The following POC1B variants were observed in gnomAD, a reference collection of about 807,000 sequenced individuals.
POC1B encodes the protein POC1 centriolar protein B, also known as POC1 centriolar protein homolog B.
Under a neutral mutation model 60.6 loss-of-function variants are expected in POC1B, and 44 were observed. That is an observed-to-expected ratio of 0.73 (90% confidence interval 0.57 to 0.93). The LOEUF is 0.93. Among genes scored for constraint, POC1B ranks in the 40% least tolerant of loss-of-function variants. The pLI is 0.00. For synonymous variants in POC1B, 180 were observed against 198.9 expected (o/e 0.90, Z 0.80); for missense variants, 555 against 572.3 (o/e 0.97, Z 0.31).
Position 89,496,961 on chromosome 12 carries a change from T to C in POC1B, c.272+210A>G, listed in dbSNP as rs918082120. The stretch of plus-strand genomic sequence containing the variant: ...AAAAAACTTAGACATATTAAGCATA[T>C]TTCCATGGTAGGAAATAGTTTTCAA... On this transcript the variant is annotated intron_variant, in intron 3 of 11. Transcript: ENST00000313546. 8 of 550,200 alleles carry C rather than the reference T, an allele frequency of 1.5e-5. No individual in the cohort carries two copies. The African/African-American group carries it at 1.5e-4, about 10-fold the overall frequency. The allele number at this position is 550,200 out of a possible 1,614,324, so 34.1% of individuals were successfully genotyped here. A position where few individuals can be genotyped will look rare whatever the true frequency, so the allele number is the denominator to read the frequency against.
chr12:89,501,916 G>C, intron 2 of POC1B: 2 of 1,122,848 alleles, frequency 1.8e-6, no homozygotes, highest in South Asian at 2.5e-5. Flanking sequence ...AGGTATCATT[G>C]GTCATGATGA....
intron 2 of POC1B, chr12:89,522,667 C>A: frequency 9.4e-7 from 1 of 1,059,630 alleles, no homozygotes; most frequent in Non-Finnish European, 1.3e-6. Context: ...GTGTGATATA[C>A]CAAAATGAAC....
intron 2 of POC1B, among the ~76,000 whole-genome samples, chr12:89,498,063 C>A (rs1592628836): frequency 6.6e-6 from 1 of 152,088 alleles, no homozygotes; most frequent in East Asian, 1.9e-4. Flanking sequence ...ACACCCATAG[C>A]ACAGTTAGCA....
At chr12:89,418,005 T>C (rs926416045), downstream of POC1B, among the ~76,000 whole-genome samples, 1 of 152,188 alleles carries the variant, frequency 6.6e-6, no homozygotes, top group African/African-American at 2.4e-5. Context: ...TTCTCAGCTG[T>C]AAGATCCATC....
intron 2 of POC1B, among the ~76,000 whole-genome samples, chr12:89,499,711 A>G (rs1869449469): frequency 6.6e-6 from 1 of 152,240 alleles, no homozygotes; most frequent in Admixed American, 6.5e-5. Flanking sequence ...GGATACTCAT[A>G]AGGAAGAAAA....
intron 11 of POC1B, among the ~76,000 whole-genome samples, 163 bp downstream of exon 11, chr12:89,424,998 G>A (rs937466439): frequency 7.2e-5 from 11 of 152,148 alleles, no homozygotes; most frequent in African/African-American, 2.7e-4. Flanking sequence ...TAGGCTCTGA[G>A]CTTATCTCTA....
At chr12:89,524,952 A>G in intron 2 of POC1B, 168 bp downstream of exon 2, 1 of 1,058,412 alleles carries the variant, frequency 9.4e-7, no homozygotes, top group Admixed American at 2.7e-5. Context: ...GGGATGGCAG[A>G]GGGGGCCCTA....
At chr12:89,515,024 A>G (rs1489770249) in intron 2 of POC1B, among the ~76,000 whole-genome samples, 35 of 152,100 alleles carry the variant, frequency 2.3e-4, no homozygotes, top group Admixed American at 2.3e-3. Flanking sequence ...AAGTACTTAA[A>G]TCTTGACTCT....
chr12:89,441,443 A>G (rs529069996), intron 10 of POC1B, among the ~76,000 whole-genome samples: 5 of 152,272 alleles, frequency 3.3e-5, no homozygotes, highest in East Asian at 3.9e-4. Flanking sequence ...AGGGAGCAAC[A>G]TTTGCTGTTC....
chr12:89,515,284 T>G (rs1376483890), intron 2 of POC1B, among the ~76,000 whole-genome samples: 1 of 151,892 alleles, frequency 6.6e-6, no homozygotes, highest in Non-Finnish European at 1.5e-5. Flanking sequence ...AATATATCAT[T>G]GTATTTATTT....
chr12:89,517,209 A>G (rs1366089860), intron 2 of POC1B, among the ~76,000 whole-genome samples: 1 of 152,144 alleles, frequency 6.6e-6, no homozygotes, highest in Non-Finnish European at 1.5e-5. Flanking sequence ...ATCTTTGCCT[A>G]TGCTACTCTC....
chr12:89,442,895 G>C (rs11513812), intron 10 of POC1B, among the ~76,000 whole-genome samples: 29,409 of 152,074 alleles, frequency 0.19, 3,268 homozygotes, highest in South Asian at 0.36. Flanking sequence ...TCAAAATAAA[G>C]AGATGGAGGA....
chr12:89,448,498 T>C (rs1389052739), intron 10 of POC1B, among the ~76,000 whole-genome samples: 1 of 152,192 alleles, frequency 6.6e-6, no homozygotes, highest in Non-Finnish European at 1.5e-5. Context: ...CTGCTGAGAA[T>C]ATCCTTTCTC....
At chr12:89,506,390 T>C (rs187666490) in intron 2 of POC1B, among the ~76,000 whole-genome samples, 18 of 151,952 alleles carry the variant, frequency 1.2e-4, no homozygotes, top group Admixed American at 1.1e-3. Context: ...TAAAGTTTTC[T>C]CTGTTAGTAG....
rs1333862345 is a variant in POC1B, at chr12:89,419,953, T to G, written c.*1200A>C. The G allele has an allele frequency of 6.6e-6, 1 of 152,210 alleles. No homozygotes were observed. Among genetic ancestry groups the G allele is most frequent in the Admixed American group, 6.6e-5 (1 of 15,266 alleles). The allele number at this position is 152,210 out of a possible 1,614,324, so 9.4% of individuals were successfully genotyped here. On this transcript the variant is annotated 3_prime_UTR_variant, in exon 12 of 12. Coordinates refer to ENST00000313546, the MANE Select transcript of POC1B (RefSeq NM_172240.3). ...TCTCATAGATACAATTGAAATTTCT[T>G]TGAGAAAAATTTCTAAATATAGAAA...
chr12:89,469,215 G>A (rs1319657454), intron 7 of POC1B, among the ~76,000 whole-genome samples: 1 of 152,132 alleles, frequency 6.6e-6, no homozygotes, highest in African/African-American at 2.4e-5. Context: ...AGCCGAGATT[G>A]TGCCACTGCA....
chr12:89,404,242 G>A, the POC1B span, among the ~76,000 whole-genome samples: 2 of 151,890 alleles, frequency 1.3e-5, no homozygotes, highest in African/African-American at 4.8e-5. Context: ...GGTCTGCTGT[G>A]TCCACCATTC....
intron 4 of POC1B, among the ~76,000 whole-genome samples, chr12:89,479,630 C>T (rs1020935399): frequency 2.6e-5 from 4 of 151,990 alleles, no homozygotes; most frequent in Non-Finnish European, 5.9e-5. Flanking sequence ...CCTCCTCTTA[C>T]ACTAATGGGC....
the POC1B span, among the ~76,000 whole-genome samples, chr12:89,402,767 T>C: frequency 6.6e-6 from 1 of 152,278 alleles, no homozygotes; most frequent in East Asian, 1.9e-4. Flanking sequence ...TGAGACAAGG[T>C]CTCGCTCTTT....
Sources: gnomAD v4.1 joint callset for allele counts (sites outside exome capture counted in the v4.1 genomes callset) on GRCh38, gnomAD v4.1.1 for gene constraint, MANE v1.5 for transcripts, NCBI Gene and HGNC (gene_info 2026-07-23, HGNC 2026-07-21) for gene names.